The following ARHGAP44 variants were observed in gnomAD, a reference collection of about 807,000 sequenced individuals.
ARHGAP44 encodes the protein Rho GTPase activating protein 44.
Under a neutral mutation model 106.8 loss-of-function variants are expected in ARHGAP44, and 43 were observed. The observed-to-expected ratio is 0.40, with a 90% CI of 0.32 to 0.52. The LOEUF (loss-of-function observed/expected upper bound fraction) is 0.52, where lower values mean the gene tolerates loss of function less well. Among genes scored for constraint, ARHGAP44 ranks in the 20% least tolerant of loss-of-function variants. The pLI is 0.48. For synonymous variants in ARHGAP44, 439 were observed against 410.3 expected (o/e 1.07, Z -0.85); for missense variants, 866 against 1,050.5 (o/e 0.82, Z 2.43).
chr17:12,922,367 C>G (rs1330008857), intron 6 of ARHGAP44, among the ~76,000 whole-genome samples: 1 of 152,186 alleles, frequency 6.6e-6, no homozygotes, highest in Non-Finnish European at 1.5e-5. Flanking sequence ...TTTGCTATTA[C>G]CTCTATGACC....
chr17:12,953,925 CTCCCAGGCTGGAG>C (rs1424572511), intron 13 of ARHGAP44, among the ~76,000 whole-genome samples: 1 of 152,132 alleles, frequency 6.6e-6, no homozygotes, highest in Non-Finnish European at 1.5e-5. Flanking sequence ...CTCACTCTAT[CTCCCAGGCTGGAG>C]TCCAGTGGTG....
intron 1 of ARHGAP44, among the ~76,000 whole-genome samples, chr17:12,819,386 A>G (rs1052502784): frequency 6.6e-6 from 1 of 152,046 alleles, no homozygotes; most frequent in African/African-American, 2.4e-5. Context: ...TTTGAGAAAC[A>G]TATGCTATCA....
chr17:12,981,692 C>G (rs569362545), intron 19 of ARHGAP44, among the ~76,000 whole-genome samples: 62 of 151,922 alleles, frequency 4.1e-4, no homozygotes, highest in Admixed American at 1.8e-3. Context: ...GCCACTGTAC[C>G]CGGCCAGGCA....
intron 3 of ARHGAP44, among the ~76,000 whole-genome samples, chr17:12,906,499 A>C: frequency 6.6e-6 from 1 of 152,256 alleles, no homozygotes; most frequent in East Asian, 1.9e-4. Flanking sequence ...TAATTTGCTA[A>C]AATGGCTCGA....
chr17:12,842,188 A>G (rs978848302), intron 1 of ARHGAP44, among the ~76,000 whole-genome samples: 1 of 151,710 alleles, frequency 6.6e-6, no homozygotes, highest in African/African-American at 2.4e-5. Context: ...AGACAGGAGG[A>G]TCACTTGAGG....
chr17:12,850,916 C>G (rs899127696), intron 1 of ARHGAP44, among the ~76,000 whole-genome samples: 1 of 152,172 alleles, frequency 6.6e-6, no homozygotes, highest in African/African-American at 2.4e-5. Flanking sequence ...AACAGGCAGG[C>G]TAGGACCCAC....
chr17:12,841,639 C>CACACAAAAAA (rs1555546108), intron 1 of ARHGAP44, among the ~76,000 whole-genome samples: 11 of 137,468 alleles, frequency 8.0e-5, no homozygotes, highest in African/African-American at 3.2e-4. Context: ...CACACACACA[C>CACACAAAAAA]AAACAAACAA....
chr17:12,847,891 G>A (rs1361241335), intron 1 of ARHGAP44, among the ~76,000 whole-genome samples: 2 of 152,178 alleles, frequency 1.3e-5, no homozygotes, highest in African/African-American at 2.4e-5. Flanking sequence ...AGCTGTGCCC[G>A]TGTCTTTGTT....
intron 12 of ARHGAP44, among the ~76,000 whole-genome samples, chr17:12,952,225 A>T (rs901482696): frequency 3.9e-5 from 6 of 152,170 alleles, no homozygotes; most frequent in Non-Finnish European, 4.4e-5. Context: ...CTGCAGCCCC[A>T]TAGCCCTGCC....
intron 1 of ARHGAP44, among the ~76,000 whole-genome samples, chr17:12,875,667 G>T (rs2036529655): frequency 6.6e-6 from 1 of 152,174 alleles, no homozygotes; most frequent in Non-Finnish European, 1.5e-5. Flanking sequence ...TATTAGGCTG[G>T]GCGCAGTGGC....
chr17:12,833,013 T>C (rs776935155), intron 1 of ARHGAP44, among the ~76,000 whole-genome samples: 1 of 152,234 alleles, frequency 6.6e-6, no homozygotes, highest in African/African-American at 2.4e-5. Flanking sequence ...CATCACAGTT[T>C]CTGTGCCTGG....
At chr17:12,975,755 G>A (rs764606217) in intron 18 of ARHGAP44, among the ~76,000 whole-genome samples, 2 of 127,108 alleles carry the variant, frequency 1.6e-5, no homozygotes, top group East Asian at 4.5e-4. Flanking sequence ...CCCGGATCGC[G>A]CCACTGCACT....
chr17:12,906,504 G>A (rs2037553487), intron 3 of ARHGAP44, among the ~76,000 whole-genome samples: 1 of 152,162 alleles, frequency 6.6e-6, no homozygotes, highest in South Asian at 2.1e-4. Flanking sequence ...TGCTAAAATG[G>A]CTCGAAGAAC....
At chr17:12,888,194 G>A (rs1487866791) in intron 1 of ARHGAP44, among the ~76,000 whole-genome samples, 2 of 151,874 alleles carry the variant, frequency 1.3e-5, no homozygotes, top group Non-Finnish European at 2.9e-5. Context: ...GTTGGAGTAG[G>A]ATCTTTTATT....
At chr17:12,863,080 G>T (rs2036135199) in intron 1 of ARHGAP44, among the ~76,000 whole-genome samples, 1 of 151,972 alleles carries the variant, frequency 6.6e-6, no homozygotes, top group Non-Finnish European at 1.5e-5. Flanking sequence ...TTGGGCCCAG[G>T]AGTTTGAGAC....
chr17:12,983,514 C>A (rs985916988), intron 19 of ARHGAP44, among the ~76,000 whole-genome samples: 1 of 152,036 alleles, frequency 6.6e-6, no homozygotes, highest in African/African-American at 2.4e-5. Flanking sequence ...TTGAAAAATG[C>A]GGTTGATTGG....
intron 1 of ARHGAP44, among the ~76,000 whole-genome samples, chr17:12,861,738 G>A (rs985937765): frequency 1.4e-5 from 2 of 143,018 alleles, no homozygotes; most frequent in African/African-American, 5.1e-5. Flanking sequence ...GGGTTCAAGC[G>A]ATTCTCCTGC....
intron 1 of ARHGAP44, among the ~76,000 whole-genome samples, chr17:12,798,938 A>G (rs2150758867): frequency 6.6e-6 from 1 of 152,326 alleles, no homozygotes; most frequent in East Asian, 1.9e-4. Context: ...AACATATTTG[A>G]TAGAAAAGCA....
chr17:12,937,683 G>A (rs1280383554), intron 7 of ARHGAP44, among the ~76,000 whole-genome samples: 2 of 152,110 alleles, frequency 1.3e-5, no homozygotes, highest in East Asian at 1.9e-4. Context: ...AGCCCCCTGC[G>A]TGCTGGACCA....
Sources: gnomAD v4.1 joint callset for allele counts (sites outside exome capture counted in the v4.1 genomes callset) on GRCh38, gnomAD v4.1.1 for gene constraint, MANE v1.5 for transcripts, NCBI Gene and HGNC (gene_info 2026-07-23, HGNC 2026-07-21) for gene names.